The following FAF1 variants were observed in gnomAD, a reference collection of about 807,000 sequenced individuals.
FAF1 encodes Fas associated factor 1.
A neutral mutation model predicts 92.5 loss-of-function variants in FAF1; 25 were observed. The observed-to-expected ratio is 0.27, with a 90% CI of 0.20 to 0.38. The LOEUF is 0.38. Ranked by LOEUF, FAF1 falls within the 10% of genes least tolerant of loss-of-function variation. FAF1 has a pLI of 1.00. For synonymous variants in FAF1, 234 were observed against 273.2 expected (o/e 0.86, Z 1.42); for missense variants, 636 against 793.3 (o/e 0.80, Z 2.38).
At chr1:50,525,691 A>G (rs1350814434) in intron 15 of FAF1, among the ~76,000 whole-genome samples, 1 of 152,028 alleles carries the variant, frequency 6.6e-6, no homozygotes, top group Non-Finnish European at 1.5e-5. Flanking sequence ...TGGGTTTTTC[A>G]TATGTGGGCT....
chr1:50,596,150 G>A lies in FAF1; in HGVS notation c.811C>T (p.Pro271Ser). The A allele has an allele frequency of 1.9e-6, 3 of 1,613,902 alleles. No homozygotes were observed. The highest frequency in any genetic ancestry group is 2.5e-6 in the Non-Finnish European group (3 of 1,179,850). Residue 271 changes from proline to serine, a missense_variant, in exon 9 of 19, where the codon CCT becomes TCT. Physicochemically the swap from Pro to Ser is moderately conservative, Grantham distance 74 (BLOSUM62 -1). Transcript: ENST00000396153. ...HRLTVGRRSS[P>S]AQTREQSEEQ... ...TCCGACTGTTCCCGGGTCTGTGCAGGTGAAGATCTTCTTCCCACTGTAAGT... is the reference window on the plus strand; with the variant it reads ...TCCGACTGTTCCCGGGTCTGTGCAGATGAAGATCTTCTTCCCACTGTAAGT...
intron 18 of FAF1, among the ~76,000 whole-genome samples, chr1:50,462,823 G>C (rs1038073489): frequency 1.3e-5 from 2 of 152,158 alleles, no homozygotes; most frequent in Non-Finnish European, 2.9e-5. Flanking sequence ...AGTTATGTTC[G>C]AAGGTGGGAA....
chr1:50,930,151 T>C (rs1469768763), intron 1 of FAF1, among the ~76,000 whole-genome samples: 1 of 152,220 alleles, frequency 6.6e-6, no homozygotes, highest in Non-Finnish European at 1.5e-5. Context: ...TGAAATGTAC[T>C]GATAAGTAGT....
At chr1:50,748,908 C>T (rs777923985) in intron 4 of FAF1, among the ~76,000 whole-genome samples, 20 of 152,150 alleles carry the variant, frequency 1.3e-4, no homozygotes, top group Non-Finnish European at 2.6e-4. Context: ...ACACAACTAC[C>T]TAAGTAAGCA....
At chr1:50,558,073 A>AT (rs1315146432) in intron 13 of FAF1, among the ~76,000 whole-genome samples, 14 of 151,766 alleles carry the variant, frequency 9.2e-5, no homozygotes, top group South Asian at 4.2e-4. Context: ...TAGTTTTTGT[A>AT]TTTTTAGTAC....
intron 1 of FAF1, among the ~76,000 whole-genome samples, chr1:50,944,715 G>C (rs1482903253): frequency 6.6e-6 from 1 of 152,184 alleles, no homozygotes; most frequent in Non-Finnish European, 1.5e-5. Flanking sequence ...GAGAATCTAG[G>C]TAACTGAACA....
At chr1:50,754,320 A>G (rs1225655147) in intron 4 of FAF1, among the ~76,000 whole-genome samples, 1 of 152,208 alleles carries the variant, frequency 6.6e-6, no homozygotes, top group Non-Finnish European at 1.5e-5. Flanking sequence ...GTTAGTCAGC[A>G]TTGCCCAAGC....
intron 7 of FAF1, among the ~76,000 whole-genome samples, chr1:50,665,933 T>C (rs1398702781): frequency 1.3e-5 from 2 of 151,992 alleles, no homozygotes; most frequent in African/African-American, 4.8e-5. Context: ...TCCCAATATT[T>C]TGGGAGGTCA....
intron 1 of FAF1, among the ~76,000 whole-genome samples, chr1:50,915,639 T>A (rs1644914234): frequency 6.6e-6 from 1 of 151,972 alleles, no homozygotes; most frequent in Admixed American, 6.6e-5. Flanking sequence ...TTTTTTTTTT[T>A]AATCCACAAG....
chr1:50,548,297 T>C (rs1250295991), intron 13 of FAF1, among the ~76,000 whole-genome samples: 1 of 152,144 alleles, frequency 6.6e-6, no homozygotes, highest in Non-Finnish European at 1.5e-5. Flanking sequence ...GTGGTTCAGA[T>C]GAAGTGCTGG....
At chr1:50,526,436 AAATAAT>A (rs199599205) in intron 15 of FAF1, among the ~76,000 whole-genome samples, 1 of 151,346 alleles carries the variant, frequency 6.6e-6, no homozygotes, top group Non-Finnish European at 1.5e-5. Flanking sequence ...TCTCTATTAA[AAATAAT>A]AATAATATTT....
chr1:50,768,760 G>C (rs1338008897), intron 4 of FAF1, among the ~76,000 whole-genome samples: 3 of 152,072 alleles, frequency 2.0e-5, no homozygotes, highest in Non-Finnish European at 4.4e-5. Context: ...CAATGTAACA[G>C]AAACTCTGGG....
At chr1:50,742,403 A>G (rs942253320) in intron 5 of FAF1, among the ~76,000 whole-genome samples, 1 of 144,430 alleles carries the variant, frequency 6.9e-6, no homozygotes. Flanking sequence ...GTGGCGGGGG[A>G]GAGAGACTCT....
intron 7 of FAF1, among the ~76,000 whole-genome samples, chr1:50,681,766 G>A (rs931630653): frequency 6.6e-6 from 1 of 151,122 alleles, no homozygotes; most frequent in Non-Finnish European, 1.5e-5. Context: ...TGATCCACCT[G>A]CCCTGGCCTC....
rs796457230 is a variant in FAF1 at position 50,732,425 on chromosome 1, A to G, written c.551+6438T>C. On this transcript the variant is annotated intron_variant, in intron 6 of 18. Coordinates refer to ENST00000396153, the MANE Select transcript of FAF1 (RefSeq NM_007051.3). ...TTTGTGTTCAATGTGGAGTTGGTCT[A>G]TATCTTCTTGTAATTCTGTCCAATT... Among the ~76,000 whole-genome samples, 20 of 152,264 alleles carry G rather than the reference A, an allele frequency of 1.3e-4. No individual in the cohort carries two copies. The East Asian group carries it at 1.9e-3, about 15-fold the overall frequency.
At position 50,441,485 on chromosome 1, in the gene FAF1, T is replaced by C; in HGVS notation, c.1908A>G (p.Val636=). ...QLDPNKSLLE[V]KLFPQETLFL... ...AAAGGGTTTCTTGAGGGAACAACTT[T>C]ACCTCCAATAATGATTTATTTGGGT... The change falls in exon 19 of 19, where the codon GTA becomes GTG. Residue 636 remains valine (V), a synonymous_variant. Coordinates refer to ENST00000396153, the MANE Select transcript of FAF1 (RefSeq NM_007051.3). 1 of 1,546,522 alleles carries C rather than the reference T, an allele frequency of 6.5e-7. No individual in the cohort carries two copies.
At chr1:50,948,690 A>T (rs1183678220) in intron 1 of FAF1, among the ~76,000 whole-genome samples, 3 of 151,782 alleles carry the variant, frequency 2.0e-5, no homozygotes, top group Non-Finnish European at 4.4e-5. Flanking sequence ...ACGCCACCAT[A>T]CCCAGCTGTA....
At chr1:50,863,947 GAGGAATT>G (rs1644457793) in intron 1 of FAF1, among the ~76,000 whole-genome samples, 1 of 148,452 alleles carries the variant, frequency 6.7e-6, no homozygotes. Context: ...TGTATGTGTC[GAGGAATT>G]TATCCATTTC....
intron 8 of FAF1, among the ~76,000 whole-genome samples, chr1:50,643,351 C>T (rs1309285230): frequency 6.6e-6 from 1 of 151,600 alleles, no homozygotes; most frequent in Non-Finnish European, 1.5e-5. Context: ...TTGTGTGCTA[C>T]TGTTCTTAAA....
Sources: allele counts gnomAD v4.1 joint callset (sites outside exome capture counted in the v4.1 genomes callset), GRCh38; gene constraint gnomAD v4.1.1; transcripts MANE v1.5; gene names NCBI Gene and HGNC (gene_info 2026-07-23, HGNC 2026-07-21).